Variants in RAPGEF5 observed in about 807,000 individuals in gnomAD.
RAPGEF5 encodes M-Ras-regulated GEF.
RAPGEF5 carries 65 observed loss-of-function variants against 125.2 expected under a neutral mutation model. That is an observed-to-expected ratio of 0.52 (90% confidence interval 0.43 to 0.64). RAPGEF5 has a LOEUF of 0.64. Ranked by LOEUF, RAPGEF5 falls within the 30% of genes least tolerant of loss-of-function variation. The pLI, the probability that RAPGEF5 is intolerant of heterozygous loss-of-function variation, is 0.00. For synonymous variants in RAPGEF5, 391 were observed against 385.9 expected (o/e 1.01, Z -0.16); for missense variants, 958 against 1,048.1 (o/e 0.91, Z 1.19).
chr7:22,270,296 G>A (rs1005816754), intron 6 of RAPGEF5, among the ~76,000 whole-genome samples: 20 of 152,172 alleles, frequency 1.3e-4, no homozygotes, highest in Non-Finnish European at 2.9e-4. Flanking sequence ...GCTTACCTGT[G>A]TCTGAGTACT....
chr7:22,322,079 CTG>C (rs1783724901), intron 1 of RAPGEF5, among the ~76,000 whole-genome samples: 1 of 150,446 alleles, frequency 6.6e-6, no homozygotes. Context: ...GTAATAGTAA[CTG>C]AGTTTCTGCT....
intron 1 of RAPGEF5, among the ~76,000 whole-genome samples, chr7:22,337,686 C>A (rs1214165955): frequency 6.7e-6 from 1 of 149,916 alleles, no homozygotes; most frequent in Non-Finnish European, 1.5e-5. Flanking sequence ...TAGGTCAGAT[C>A]TCTTTCACTG....
At chr7:22,247,060 C>T (rs1257817815) in intron 7 of RAPGEF5, among the ~76,000 whole-genome samples, 6 of 152,104 alleles carry the variant, frequency 3.9e-5, no homozygotes, top group South Asian at 2.1e-4. Context: ...ATGGCTATTA[C>T]TAAAAAGTCA....
chr7:22,197,897 G>GGGC (rs1554327493), intron 9 of RAPGEF5, among the ~76,000 whole-genome samples: 2 of 146,090 alleles, frequency 1.4e-5, no homozygotes, highest in African/African-American at 2.5e-5. Flanking sequence ...TTTTTTTGGG[G>GGGC]GGGGGTGGTA....
intron 1 of RAPGEF5, among the ~76,000 whole-genome samples, chr7:22,334,637 G>T (rs1252288600): frequency 6.6e-6 from 1 of 152,206 alleles, no homozygotes; most frequent in African/African-American, 2.4e-5. Flanking sequence ...AGATCACTTA[G>T]CAGTATGTAT....
intron 5 of RAPGEF5, among the ~76,000 whole-genome samples, chr7:22,296,472 T>C (rs115920229): frequency 0.016 from 2,438 of 152,206 alleles, 58 homozygotes; most frequent in South Asian, 0.055. Context: ...AGGCTGAGGA[T>C]AGACTGTTTG....
At chr7:22,231,428 C>T (rs990281495) in intron 7 of RAPGEF5, among the ~76,000 whole-genome samples, 1 of 152,122 alleles carries the variant, frequency 6.6e-6, no homozygotes, top group African/African-American at 2.4e-5. Context: ...CTATCCAAGC[C>T]CTTATCACCC....
intron 1 of RAPGEF5, among the ~76,000 whole-genome samples, chr7:22,353,177 A>T (rs1193366453): frequency 1.3e-5 from 2 of 152,218 alleles, no homozygotes; most frequent in Non-Finnish European, 1.5e-5. Context: ...TCCAGACAGT[A>T]GGATGTTCTA....
chr7:22,282,664 G>A (rs998302199), intron 6 of RAPGEF5, among the ~76,000 whole-genome samples: 2 of 152,182 alleles, frequency 1.3e-5, no homozygotes, highest in Non-Finnish European at 2.9e-5. Flanking sequence ...ATGTGACAAT[G>A]TACGACAAAA....
At chr7:22,256,089 T>C (rs2128139297) in intron 7 of RAPGEF5, among the ~76,000 whole-genome samples, 1 of 152,286 alleles carries the variant, frequency 6.6e-6, no homozygotes, top group African/African-American at 2.4e-5. Context: ...CTGGTGTTCT[T>C]TGTAGAGCCA....
chr7:22,268,778 T>A (rs1172016462), intron 6 of RAPGEF5, among the ~76,000 whole-genome samples: 4 of 152,184 alleles, frequency 2.6e-5, no homozygotes, highest in Admixed American at 2.0e-4. Context: ...ACACCTGAAT[T>A]CCCTTTATGG....
chr7:22,299,444 T>C (rs746544925), intron 5 of RAPGEF5, among the ~76,000 whole-genome samples: 6 of 152,202 alleles, frequency 3.9e-5, no homozygotes, highest in Non-Finnish European at 7.4e-5. Context: ...TCTTTTGTTA[T>C]AATCATAATA....
chr7:22,339,083 C>T (rs1246715699), intron 1 of RAPGEF5, among the ~76,000 whole-genome samples: 1 of 152,060 alleles, frequency 6.6e-6, no homozygotes, highest in African/African-American at 2.4e-5. Flanking sequence ...TGGTGTATGA[C>T]CTTATGGGAA....
intron 1 of RAPGEF5, among the ~76,000 whole-genome samples, chr7:22,354,477 G>A (rs17720416): frequency 0.013 from 2,016 of 152,254 alleles, 20 homozygotes; most frequent in Middle Eastern, 0.024. Flanking sequence ...ATGCTAACAA[G>A]TCACCAACCA....
rs546730706 is a variant in RAPGEF5, at chr7:22,282,082, T to C, written c.747+9093A>G. ...TTTTCTATTCATTCATACTCTCCTT[T>C]ATATTCAACATATCATTCAAGCCAT... On this transcript the variant is annotated intron_variant, in intron 6 of 25. Transcript: ENST00000665637. 8.5e-5 allele frequency among the ~76,000 whole-genome samples: 13 copies of C among 152,356 alleles called. No homozygotes were observed. The South Asian group carries it at 2.7e-3, about 32-fold the overall frequency.
rs1430725618 is a variant in RAPGEF5 at position 22,266,873 on chromosome 7, T to C, written c.796+91A>G. On this transcript the variant is annotated intron_variant, in intron 7 of 25. Transcript: ENST00000665637. The stretch of plus-strand genomic sequence containing the variant: ...CTTTGCATTCTACACCATAACTTCC[T>C]GAGATACACTCAACTGCACACTACC... 4.6e-6 allele frequency: 6 copies of C among 1,301,990 alleles called. No individual in the cohort carries two copies. In the Admixed American group the frequency reaches 1.2e-4, roughly 25 times the overall value. 80.7% of individuals were successfully genotyped at this position (1,301,990 alleles called of 1,614,324 possible). A position where few individuals can be genotyped will look rare whatever the true frequency, so the allele number is the denominator to read the frequency against.
In RAPGEF5 at chr7:22,265,083, T is replaced by A. The variant is rs118147027; in HGVS notation, c.796+1881A>T. Among the ~76,000 whole-genome samples, 847 of 152,352 alleles carry A rather than the reference T, an allele frequency of 5.6e-3. 4 individuals carry two copies. The highest frequency in any genetic ancestry group is 8.0e-3 in the Non-Finnish European group (547 of 68,034). Reference sequence around the variant, plus strand: ...AATAATCAAATCAGGGTAGTTGGGATATCCATCACCTCAAACATATATCAT... The same window carrying A: ...AATAATCAAATCAGGGTAGTTGGGAAATCCATCACCTCAAACATATATCAT... On this transcript the variant is annotated intron_variant, in intron 7 of 25. Coordinates refer to ENST00000665637, the MANE Select transcript of RAPGEF5 (RefSeq NM_012294.5).
chr7:22,220,250 T>C (rs1332536498), intron 8 of RAPGEF5: 3 of 358,894 alleles, frequency 8.4e-6, no homozygotes, highest in Non-Finnish European at 1.5e-5. Flanking sequence ...AATCATTTGC[T>C]ACTAAGTGTG....
Position 22,119,986 on chromosome 7 carries a change from T to C in RAPGEF5, c.*2420A>G, listed in dbSNP as rs1182778180. The C allele has an allele frequency of 6.6e-6, 1 of 152,214 alleles. No individual in the cohort carries two copies. Among genetic ancestry groups the C allele is most frequent in the Non-Finnish European group, 1.5e-5 (1 of 68,042 alleles). The allele number at this position is 152,214 out of a possible 1,614,324, so 9.4% of individuals were successfully genotyped here. A position where few individuals can be genotyped will look rare whatever the true frequency, so the allele number is the denominator to read the frequency against. ...TCTCACAATTCGGGCTTGAATTCTT[T>C]AATTCCAGATCTAAGATTCTGCAAA... On this transcript the variant is annotated 3_prime_UTR_variant, in exon 26 of 26. Transcript: ENST00000665637. The surrounding 1 kb of genome is among the most constrained non-coding windows in gnomAD (Gnocchi z 4.1).
Sources: allele counts gnomAD v4.1 joint callset (sites outside exome capture counted in the v4.1 genomes callset), GRCh38; gene constraint gnomAD v4.1.1; non-coding constraint Gnocchi (gnomAD v3.1); transcripts MANE v1.5; gene names NCBI Gene and HGNC (gene_info 2026-07-23, HGNC 2026-07-21).